NXPH1: variants seen among roughly 807,000 people sequenced by gnomAD.
The protein encoded by NXPH1 is neurexophilin-1.
Under a neutral mutation model 23.7 loss-of-function variants are expected in NXPH1, and 5 were observed. The observed-to-expected ratio is 0.21, with a 90% CI of 0.11 to 0.44. The LOEUF is 0.44. Among genes scored for constraint, NXPH1 ranks in the 20% least tolerant of loss-of-function variants. The pLI is 0.99. For synonymous variants in NXPH1, 144 were observed against 122.2 expected, an observed-to-expected ratio of 1.18 and a Z score of -1.18; for missense variants, 324 against 321.6, an observed-to-expected ratio of 1.01 and a Z score of -0.06.
intron 2 of NXPH1, among the ~76,000 whole-genome samples, chr7:8,488,798 T>A (rs541711046): frequency 1.5e-3 from 224 of 152,256 alleles, no homozygotes; most frequent in African/African-American, 5.3e-3. Flanking sequence ...AATGAGATAA[T>A]CTCTGTATCA....
chr7:8,552,479 GA>G (rs1183901740), intron 2 of NXPH1, among the ~76,000 whole-genome samples: 1 of 151,416 alleles, frequency 6.6e-6, no homozygotes, highest in Non-Finnish European at 1.5e-5. Flanking sequence ...ATGTCAAGGT[GA>G]AAGAAACATG....
chr7:8,499,511 T>C (rs1456914809), intron 2 of NXPH1, among the ~76,000 whole-genome samples: 1 of 152,212 alleles, frequency 6.6e-6, no homozygotes, highest in Middle Eastern at 3.4e-3. Flanking sequence ...GGATTCAGCC[T>C]AAGTAGCTTG....
At chr7:8,744,420 G>GT (rs921216264) in intron 2 of NXPH1, among the ~76,000 whole-genome samples, 108 of 152,072 alleles carry the variant, frequency 7.1e-4, no homozygotes, top group African/African-American at 2.2e-3. Flanking sequence ...TTGTTTGTTT[G>GT]TTTTTTGGTA....
intron 2 of NXPH1, among the ~76,000 whole-genome samples, chr7:8,594,315 T>G (rs1187276992): frequency 1.3e-5 from 2 of 152,090 alleles, no homozygotes; most frequent in African/African-American, 2.4e-5. Flanking sequence ...AAGGGCCGTT[T>G]TGAAGTTTCA....
At chr7:8,553,838 C>G (rs1818313987) in intron 2 of NXPH1, among the ~76,000 whole-genome samples, 3 of 151,640 alleles carry the variant, frequency 2.0e-5, no homozygotes, top group Non-Finnish European at 1.5e-5. Context: ...CAGGTTTCCC[C>G]AAGTTGAGAT....
intron 2 of NXPH1, among the ~76,000 whole-genome samples, chr7:8,639,673 C>T (rs1016375934): frequency 9.2e-5 from 14 of 152,126 alleles, no homozygotes; most frequent in East Asian, 3.9e-4. Flanking sequence ...AGAATTCCCA[C>T]GTATTGTGGG....
At chr7:8,498,779 T>C (rs1817381765) in intron 2 of NXPH1, among the ~76,000 whole-genome samples, 1 of 152,072 alleles carries the variant, frequency 6.6e-6, no homozygotes, top group South Asian at 2.1e-4. Context: ...TGTGTCCTTG[T>C]TCCAAGTTGT....
intron 2 of NXPH1, among the ~76,000 whole-genome samples, chr7:8,686,241 T>C (rs1463098874): frequency 6.6e-6 from 1 of 152,178 alleles, no homozygotes; most frequent in African/African-American, 2.4e-5. Flanking sequence ...CTAGTTTGCA[T>C]TTAGAATGTG....
chr7:8,706,984 G>A (rs2115193442), intron 2 of NXPH1, among the ~76,000 whole-genome samples: 1 of 152,236 alleles, frequency 6.6e-6, no homozygotes, highest in East Asian at 1.9e-4. Flanking sequence ...GAAAATTGCA[G>A]ACTTCACCAG....
At position 8,751,255 on chromosome 7, in the gene NXPH1, G is replaced by A. The variant is rs373820072; in HGVS notation, c.302G>A (p.Arg101Gln). 2.8e-5 allele frequency: 45 copies of A among 1,613,752 alleles called. No homozygotes were observed. The highest frequency in any genetic ancestry group is 3.3e-5 in the Admixed American group (2 of 59,944). ...AACTCCACAGACCTTCAAGAGCCTCGGCCCAGGGCCAAGAGAAGGCCCATT... is the reference window on the plus strand; with the variant it reads ...AACTCCACAGACCTTCAAGAGCCTCAGCCCAGGGCCAAGAGAAGGCCCATT... The part of the protein sequence containing the change: ...LRNSTDLQEP[R>Q]PRAKRRPIVK... Residue 101 changes from arginine to glutamine, a missense_variant, in exon 3 of 3, where the codon CGG (arginine) becomes CAG (glutamine). Physicochemically the swap from Arg to Gln is conservative, Grantham distance 43. Transcript: ENST00000405863. The surrounding 1 kb of genome is among the most constrained non-coding windows in gnomAD (Gnocchi z 4.5).
chr7:8,565,577 T>C (rs1281386190), intron 2 of NXPH1, among the ~76,000 whole-genome samples: 1 of 151,824 alleles, frequency 6.6e-6, no homozygotes, highest in Non-Finnish European at 1.5e-5. Flanking sequence ...TTATCCAAAC[T>C]AGATGTTAGT....
intron 2 of NXPH1, among the ~76,000 whole-genome samples, chr7:8,669,804 C>A (rs115491958): frequency 1.4e-3 from 217 of 152,266 alleles, no homozygotes; most frequent in African/African-American, 4.8e-3. Context: ...TACAACTGTC[C>A]TTCCTACTCT....
At chr7:8,631,001 C>G (rs1820116240) in intron 2 of NXPH1, among the ~76,000 whole-genome samples, 1 of 152,074 alleles carries the variant, frequency 6.6e-6, no homozygotes, top group African/African-American at 2.4e-5. Flanking sequence ...CATCTAGTTC[C>G]CACTTATAAG....
intron 2 of NXPH1, among the ~76,000 whole-genome samples, chr7:8,496,830 C>T (rs930453546): frequency 6.6e-6 from 1 of 152,012 alleles, no homozygotes; most frequent in African/African-American, 2.4e-5. Flanking sequence ...CCATGCTTCT[C>T]ATAATAAATA....
At chr7:8,459,224 TC>T (rs1424220370) in intron 2 of NXPH1, among the ~76,000 whole-genome samples, 9 of 152,150 alleles carry the variant, frequency 5.9e-5, no homozygotes, top group Non-Finnish European at 8.8e-5. Context: ...ATAAAATTAT[TC>T]ATTTTTACCT....
At chr7:8,503,535 T>A (rs1817472636) in intron 2 of NXPH1, among the ~76,000 whole-genome samples, 1 of 152,012 alleles carries the variant, frequency 6.6e-6, no homozygotes. Flanking sequence ...CTTGATACTT[T>A]TTCTGCCTTA....
chr7:8,736,415 C>G (rs1780256374), intron 2 of NXPH1, among the ~76,000 whole-genome samples: 1 of 152,198 alleles, frequency 6.6e-6, no homozygotes, highest in Non-Finnish European at 1.5e-5. Context: ...GCAGGTTGCT[C>G]AGTTTCCAGG....
At chr7:8,591,248 T>A (rs1819088093) in intron 2 of NXPH1, among the ~76,000 whole-genome samples, 1 of 152,054 alleles carries the variant, frequency 6.6e-6, no homozygotes, top group Admixed American at 6.6e-5. Flanking sequence ...GGTAAGATTG[T>A]TATTCCTATT....
At chr7:8,646,697 A>G (rs376027922) in intron 2 of NXPH1, among the ~76,000 whole-genome samples, 68 of 152,230 alleles carry the variant, frequency 4.5e-4, no homozygotes, top group Admixed American at 2.4e-3. Context: ...AGGTGATCAT[A>G]TAATTTTTCT....
Sources: allele counts gnomAD v4.1 joint callset (sites outside exome capture counted in the v4.1 genomes callset), GRCh38; gene constraint gnomAD v4.1.1; non-coding constraint Gnocchi (gnomAD v3.1); transcripts MANE v1.5; gene names NCBI Gene and HGNC (gene_info 2026-07-23, HGNC 2026-07-21).